Variants in OXSR1 observed in about 807,000 individuals in gnomAD.
OXSR1 encodes serine/threonine-protein kinase OSR1.
In OXSR1, 24 loss-of-function variants were observed where a neutral mutation model predicts 79.8. That is an observed-to-expected ratio of 0.30 (90% CI 0.22 to 0.42). The LOEUF (loss-of-function observed/expected upper bound fraction) is 0.42. OXSR1 is among the 10% of genes least tolerant of loss of function. OXSR1 has a pLI of 1.00. For synonymous variants in OXSR1, 226 were observed against 209.2 expected, an observed-to-expected ratio of 1.08 and a Z score of -0.69; for missense variants, 430 against 618.4, an observed-to-expected ratio of 0.70 and a Z score of 3.23.
chr3:38,222,207 T>G (rs1301282899), intron 6 of OXSR1, among the ~76,000 whole-genome samples: 3 of 152,186 alleles, frequency 2.0e-5, no homozygotes, highest in East Asian at 1.9e-4. Flanking sequence ...CAGATGAGAT[T>G]GACAGCTGTC....
chr3:38,183,189 G>T, intron 2 of OXSR1, 74 bp downstream of exon 2: 1 of 639,140 alleles, frequency 1.6e-6, no homozygotes, highest in Non-Finnish European at 2.5e-6. Flanking sequence ...ATAACTTGAA[G>T]TTTTTGATTT....
chr3:38,224,090 G>T (rs1051113319), intron 7 of OXSR1, among the ~76,000 whole-genome samples, 177 bp downstream of exon 7: 1 of 151,992 alleles, frequency 6.6e-6, no homozygotes, highest in African/African-American at 2.4e-5. Context: ...TCATCACGTT[G>T]TGCAGTTGTC....
chr3:38,247,700 C>A lies in OXSR1; in HGVS notation c.1290C>A (p.Thr430=). The change falls in exon 14 of 18, where the codon ACC becomes ACA. Residue 430 remains threonine, a synonymous_variant. Transcript: ENST00000311806. ...ALSSGSGSQE[T]KIPISLVLRL... ...CTTCAGGATCAGGTTCACAAGAAAC[C>A]AAGATCCCAATCAGTCTAGTACTAA... 3 of 1,612,080 alleles carry A rather than the reference C, an allele frequency of 1.9e-6. No individual in the cohort carries two copies. Among genetic ancestry groups the A allele is most frequent in the South Asian group, 1.1e-5 (1 of 91,014 alleles).
rs1346433538 is a variant in OXSR1 at position 38,249,986 on chromosome 3, A to G, written c.1343A>G (p.Asn448Ser). 6.3e-7 allele frequency: 1 copy of G among 1,592,214 alleles called. No individual in the cohort carries two copies. Among genetic ancestry groups the G allele is most frequent in the Admixed American group, 1.7e-5 (1 of 59,200 alleles). The stretch of plus-strand genomic sequence containing the variant: ...CATAGGAATTCCAAAAAAGAACTAA[A>G]TGATATTCGATTTGAATTTACTCCT... ...LRLRNSKKEL[N>S]DIRFEFTPGR... Residue 448 changes from asparagine to serine, a missense_variant, in exon 15 of 18, where the codon AAT becomes AGT. By Grantham distance (46) the Asn-to-Ser change is conservative. This residue lies in a region of OXSR1 where 276 missense variants were observed against 354.2 expected (regional missense o/e 0.78). Transcript: ENST00000311806.
intron 4 of OXSR1, among the ~76,000 whole-genome samples, chr3:38,210,811 C>T (rs1220365884): frequency 6.6e-6 from 1 of 152,116 alleles, no homozygotes; most frequent in Non-Finnish European, 1.5e-5. Flanking sequence ...AGACTTTTTT[C>T]CTGTTGTGAA....
intron 10 of OXSR1, among the ~76,000 whole-genome samples, chr3:38,234,213 C>T (rs901294342): frequency 6.6e-6 from 1 of 151,994 alleles, no homozygotes; most frequent in Non-Finnish European, 1.5e-5. Context: ...AGATATGATA[C>T]CAAAAATACA....
chr3:38,230,812 T>C (rs1575359402), intron 10 of OXSR1: 1 of 179,720 alleles, frequency 5.6e-6, no homozygotes, highest in East Asian at 1.7e-4. Context: ...GAAAGAACTT[T>C]ATTACGCATA....
rs1702685516 is a variant in OXSR1 at position 38,226,195 on chromosome 3, A to G, written c.836+1491A>G. The stretch of plus-strand genomic sequence containing the variant: ...TTCCTGAACATAATGCCCCACTGTA[A>G]TAAGGTCACAATCCAAAATTAAGAA... On this transcript the variant is annotated intron_variant, in intron 8 of 17. Coordinates refer to ENST00000311806, the MANE Select transcript of OXSR1 (RefSeq NM_005109.3). Among the ~76,000 whole-genome samples, 3 of 152,098 alleles carry G rather than the reference A, an allele frequency of 2.0e-5. No homozygotes were observed. In the South Asian group the frequency reaches 6.2e-4, roughly 32 times the overall value.
chr3:38,249,972 C>CA lies in OXSR1; in HGVS notation c.1335dup (p.Glu446ArgfsTer4). ...ATTCTGCTTTCTTTCATAGGAATTCCAAAAAAGAACTAAATGATATTCGAT... is the reference window on the plus strand; with the variant it reads ...ATTCTGCTTTCTTTCATAGGAATTCCAAAAAAAGAACTAAATGATATTCGAT... On this transcript the variant is annotated frameshift_variant, in exon 15 of 18. Coordinates refer to ENST00000311806, the MANE Select transcript of OXSR1 (RefSeq NM_005109.3). LOFTEE classifies it high-confidence loss of function. The CA allele has an allele frequency of 1.3e-6, 2 of 1,578,548 alleles. No homozygotes were observed. Among genetic ancestry groups the CA allele is most frequent in the African/African-American group, 1.4e-5 (1 of 73,920 alleles).
Position 38,252,965 on chromosome 3 carries a change from C to A in OXSR1, c.*74C>A. 1 of 1,203,216 alleles carries A rather than the reference C, an allele frequency of 8.3e-7. No homozygotes were observed. Among genetic ancestry groups the A allele is most frequent in the South Asian group, 1.2e-5 (1 of 81,188 alleles). The allele number at this position is 1,203,216 out of a possible 1,614,324, so 74.5% of individuals were successfully genotyped here. A position where few individuals can be genotyped will look rare whatever the true frequency, so the allele number is the denominator to read the frequency against. ...CTCTGTTGCTTCTATTGGCCTAAACCCACTACTGCCAAAGAACCCAGCAAC... is the reference window on the plus strand; with the variant it reads ...CTCTGTTGCTTCTATTGGCCTAAACACACTACTGCCAAAGAACCCAGCAAC... On this transcript the variant is annotated 3_prime_UTR_variant, in exon 18 of 18. Coordinates refer to ENST00000311806, the MANE Select transcript of OXSR1 (RefSeq NM_005109.3).
At chr3:38,243,580 T>A (rs963490334) in intron 12 of OXSR1, among the ~76,000 whole-genome samples, 2 of 152,208 alleles carry the variant, frequency 1.3e-5, no homozygotes, top group Non-Finnish European at 2.9e-5. Context: ...TCCGGCAGCA[T>A]CTTCATTCTG....
intron 4 of OXSR1, among the ~76,000 whole-genome samples, chr3:38,215,537 A>C (rs1702466546): frequency 6.6e-6 from 1 of 152,252 alleles, no homozygotes; most frequent in Non-Finnish European, 1.5e-5. Context: ...TCTGTTAACC[A>C]GACTGATAAT....
At chr3:38,242,435 A>G (rs1703054594) in intron 11 of OXSR1, among the ~76,000 whole-genome samples, 1 of 152,190 alleles carries the variant, frequency 6.6e-6, no homozygotes, top group Non-Finnish European at 1.5e-5. Context: ...CGATTAGTAG[A>G]AAGAATTTTA....
intron 1 of OXSR1, among the ~76,000 whole-genome samples, chr3:38,178,620 A>ATTTTTTT (rs71085303): frequency 5.3e-5 from 5 of 95,124 alleles, no homozygotes; most frequent in East Asian, 3.2e-4. Context: ...ATATATATAT[A>ATTTTTTT]TTTTTTTTTT....
At position 38,236,594 on chromosome 3, in the gene OXSR1, A is replaced by C. The variant is rs1482150261; in HGVS notation, c.952-245A>C. ...TCAGATTTTACCTGTGATTTTACAT[A>C]AAAAGGATTTTGATGTTTGGGCTCA... On this transcript the variant is annotated intron_variant, in intron 10 of 17. Coordinates refer to ENST00000311806, the MANE Select transcript of OXSR1 (RefSeq NM_005109.3). 2.2e-5 allele frequency: 6 copies of C among 278,060 alleles called. No individual in the cohort carries two copies. The East Asian group carries it at 3.6e-4, about 17-fold the overall frequency. 17.2% of individuals were successfully genotyped at this position (278,060 alleles called of 1,614,324 possible).
At chr3:38,200,657 C>T (rs796201232) in intron 4 of OXSR1, among the ~76,000 whole-genome samples, 4 of 152,262 alleles carry the variant, frequency 2.6e-5, no homozygotes, top group African/African-American at 9.6e-5. Flanking sequence ...CTATTTTGTT[C>T]CTGAGTTCAG....
At chr3:38,247,782 C>A in intron 14 of OXSR1, 50 bp downstream of exon 14, 2 of 1,200,952 alleles carry the variant, frequency 1.7e-6, no homozygotes, top group Non-Finnish European at 2.5e-6. Context: ...GAATATTCTG[C>A]ATGTGCTGTA....
chr3:38,224,001 G>C (rs1469008712), intron 7 of OXSR1, 88 bp downstream of exon 7: 3 of 733,396 alleles, frequency 4.1e-6, no homozygotes, highest in African/African-American at 3.7e-5. Flanking sequence ...TTTTTTTATT[G>C]TGGTAAAATA....
At chr3:38,248,342 C>A (rs1703187575) in intron 14 of OXSR1, among the ~76,000 whole-genome samples, 1 of 145,576 alleles carries the variant, frequency 6.9e-6, no homozygotes. Context: ...TGCCCCGCCC[C>A]CCCCGCCCCT....
Sources: gnomAD v4.1 joint callset for allele counts (sites outside exome capture counted in the v4.1 genomes callset) on GRCh38, gnomAD v4.1.1 for gene constraint, gnomAD v4.1.1 regional missense constraint, MANE v1.5 for transcripts, NCBI Gene and HGNC (gene_info 2026-07-23, HGNC 2026-07-21) for gene names.